GDA: variants seen among roughly 807,000 people sequenced by gnomAD.
GDA encodes guanine deaminase.
In GDA, 18 loss-of-function variants were observed where a neutral mutation model predicts 59.6. The ratio of observed to expected loss-of-function variants is 0.30; its 90% CI spans 0.21 to 0.45. The LOEUF is 0.45. Among genes scored for constraint, GDA ranks in the 20% least tolerant of loss-of-function variants. The probability of loss-of-function intolerance (pLI) is 1.00; values close to 1 mark genes in which losing one functional copy is unlikely to be tolerated. For missense variants in GDA, 427 were observed against 552.3 expected (o/e 0.77, Z 2.27); for synonymous variants, 201 against 201.1 (o/e 1.00, Z 0.00).
chr9:72,181,469 C>T (rs939353604), intron 1 of GDA, among the ~76,000 whole-genome samples: 5 of 152,044 alleles, frequency 3.3e-5, no homozygotes, highest in East Asian at 1.9e-4. Flanking sequence ...GGATTACAAG[C>T]GCCCGCCACC....
chr9:72,125,320 C>CTCCT (rs1258293860), intron 1 of GDA, among the ~76,000 whole-genome samples: 3 of 72,590 alleles, frequency 4.1e-5, no homozygotes, highest in Non-Finnish European at 1.1e-4. Context: ...CCTTCCTTTA[C>CTCCT]TCCCTCCCTC....
rs369132489 is a variant in GDA, at chr9:72,127,636, C to CA, written c.-100+12819dup. ...TGGGCGACAGAGAGAGACTCTGTCT[C>CA]AAAAAAAAAAAAAAAAGAAAGAAAA... On this transcript the variant is annotated intron_variant, in intron 1 of 13. Coordinates refer to the GDA transcript ENST00000545168. Among the ~76,000 whole-genome samples the CA allele has an allele frequency of 2.6e-3, 311 of 120,796 alleles. 2 individuals are homozygous for CA. The highest frequency in any genetic ancestry group is 4.3e-3 in the Middle Eastern group (1 of 232). The allele number at this position is 120,796 out of a possible 152,430, so 79.2% of individuals were successfully genotyped here.
intron 1 of GDA, among the ~76,000 whole-genome samples, chr9:72,185,274 G>A (rs1024684646): frequency 4.6e-5 from 7 of 152,214 alleles, no homozygotes; most frequent in East Asian, 1.9e-4. Context: ...GAAGAATCTC[G>A]GAAGACATGT....
chr9:72,115,716 C>T (rs539925910), intron 1 of GDA, among the ~76,000 whole-genome samples: 9 of 152,202 alleles, frequency 5.9e-5, no homozygotes, highest in East Asian at 1.9e-4. Flanking sequence ...ACCACAAAAA[C>T]GTAAAATACA....
chr9:72,153,797 A>T (rs1358157182), intron 1 of GDA, among the ~76,000 whole-genome samples: 1 of 122,962 alleles, frequency 8.1e-6, no homozygotes, highest in Admixed American at 1.0e-4. Flanking sequence ...GGAACATCAT[A>T]CTCTGGGGAC....
downstream of GDA, among the ~76,000 whole-genome samples, chr9:72,254,056 G>A (rs1367801412): frequency 6.6e-6 from 1 of 152,122 alleles, no homozygotes; most frequent in East Asian, 1.9e-4. Flanking sequence ...TGGAACTACT[G>A]GAACAGAACT....
At chr9:72,160,573 T>TA (rs1462118942) in intron 1 of GDA, among the ~76,000 whole-genome samples, 1 of 152,256 alleles carries the variant, frequency 6.6e-6, no homozygotes, top group Non-Finnish European at 1.5e-5. Flanking sequence ...CATTCCTTTT[T>TA]ATGGCTGAAT....
chr9:72,217,976 C>T (rs371627672), intron 5 of GDA, among the ~76,000 whole-genome samples: 57 of 151,932 alleles, frequency 3.8e-4, no homozygotes, highest in Admixed American at 1.2e-3. Flanking sequence ...TGCAGTGGCA[C>T]GGTCTCAGCT....
downstream of GDA, among the ~76,000 whole-genome samples, chr9:72,252,710 A>G (rs1840781216): frequency 6.6e-6 from 1 of 152,212 alleles, no homozygotes; most frequent in Non-Finnish European, 1.5e-5. Context: ...GCTTCTAAGG[A>G]ATCACCTGCA....
In GDA at chr9:72,228,015, G is replaced by T. The variant is rs748443792; in HGVS notation, c.895G>T (p.Ala299Ser). 6.3e-7 allele frequency: 1 copy of T among 1,586,150 alleles called. No homozygotes were observed. Among genetic ancestry groups the T allele is most frequent in the South Asian group, 1.1e-5 (1 of 89,976 alleles). ...NVFHERGASIAHCPNSNLSLS... is the reference protein window; with the variant it reads ...NVFHERGASISHCPNSNLSLS... ...ATTCCATGAACGAGGAGCATCCATC[G>T]CACACTGTCCCAATTCTAATTTATC... Residue 299 changes from alanine (A) to serine (S), a missense_variant, in exon 9 of 14, where the codon GCA becomes TCA. By Grantham distance (99) the Ala-to-Ser change is moderately conservative (BLOSUM62 1). Transcript: ENST00000358399.
intron 3 of GDA, among the ~76,000 whole-genome samples, chr9:72,205,408 A>G (rs1168658345): frequency 6.6e-6 from 1 of 152,042 alleles, no homozygotes; most frequent in Non-Finnish European, 1.5e-5. Context: ...TGAACTTTCT[A>G]GTGTTTTCAG....
At chr9:72,136,791 C>T (rs889171318) in intron 1 of GDA, among the ~76,000 whole-genome samples, 2 of 152,090 alleles carry the variant, frequency 1.3e-5, no homozygotes, top group African/African-American at 4.8e-5. Context: ...CTGGCTAACA[C>T]AGTGAAACCC....
intron 3 of GDA, among the ~76,000 whole-genome samples, chr9:72,205,449 C>T (rs1834574686): frequency 6.6e-6 from 1 of 152,126 alleles, no homozygotes; most frequent in African/African-American, 2.4e-5. Context: ...AAAAACTTCA[C>T]ACAAATTAAA....
At chr9:72,209,636 C>T (rs917694372) in intron 3 of GDA, among the ~76,000 whole-genome samples, 4 of 151,918 alleles carry the variant, frequency 2.6e-5, no homozygotes, top group Admixed American at 6.6e-5. Context: ...AATAGATTCC[C>T]TCCAATGCCT....
intron 6 of GDA, among the ~76,000 whole-genome samples, chr9:72,219,924 GTGT>G: frequency 6.6e-6 from 1 of 152,006 alleles, no homozygotes; most frequent in Non-Finnish European, 1.5e-5. Flanking sequence ...CCACTTTTGG[GTGT>G]ATATCCAAAA....
intron 10 of GDA, among the ~76,000 whole-genome samples, chr9:72,234,291 G>A (rs1000083680): frequency 9.9e-5 from 15 of 151,720 alleles, no homozygotes; most frequent in African/African-American, 3.6e-4. Context: ...AGGCCATGAG[G>A]GAATTTGCTG....
At chr9:72,189,482 A>C (rs906257142) in intron 1 of GDA, among the ~76,000 whole-genome samples, 4 of 151,740 alleles carry the variant, frequency 2.6e-5, no homozygotes, top group Non-Finnish European at 5.9e-5. Context: ...CTGACCTGAG[A>C]CTCTGGACTT....
chr9:72,224,729 T>C (rs1837332199), intron 7 of GDA, among the ~76,000 whole-genome samples: 1 of 152,064 alleles, frequency 6.6e-6, no homozygotes, highest in African/African-American at 2.4e-5. Flanking sequence ...GCCTTCTATA[T>C]ATTGGGTTTC....
chr9:72,177,868 G>A (rs1450232305), intron 1 of GDA, among the ~76,000 whole-genome samples: 4 of 152,138 alleles, frequency 2.6e-5, no homozygotes, highest in East Asian at 1.9e-4. Flanking sequence ...AGTTCCTCTG[G>A]CTGTAGACTT....
Sources: allele counts gnomAD v4.1 joint callset (sites outside exome capture counted in the v4.1 genomes callset), GRCh38; gene constraint gnomAD v4.1.1; transcripts MANE v1.5; gene names NCBI Gene and HGNC (gene_info 2026-07-23, HGNC 2026-07-21).